NLRC5: variants seen among roughly 807,000 people sequenced by gnomAD.
NLRC5 encodes protein NLRC5.
In NLRC5, 114 loss-of-function variants were observed where a neutral mutation model predicts 206.9. That is an observed-to-expected ratio of 0.55 (90% CI 0.47 to 0.64). The LOEUF is 0.64. NLRC5 is among the 30% of genes least tolerant of loss of function. The pLI is 0.00. For missense variants in NLRC5, 2,008 were observed against 2,305.5 expected, an observed-to-expected ratio of 0.87 and a Z score of 2.64; for synonymous variants, 952 against 962.8, an observed-to-expected ratio of 0.99 and a Z score of 0.21.
chr16:56,996,613 A>T (rs1251541602), intron 1 of NLRC5, among the ~76,000 whole-genome samples: 1 of 152,230 alleles, frequency 6.6e-6, no homozygotes, highest in Admixed American at 6.5e-5. Flanking sequence ...TAAGTCAAAA[A>T]AAATCTCAAA....
chr16:57,077,023 A>G, intron 40 of NLRC5, 121 bp downstream of exon 40: 1 of 873,060 alleles, frequency 1.1e-6, no homozygotes, highest in Non-Finnish European at 1.9e-6. Context: ...CCACTTCTAC[A>G]CTGTGTAAAC....
chr16:56,994,857 T>C (rs1033294250), intron 1 of NLRC5, among the ~76,000 whole-genome samples: 6 of 152,124 alleles, frequency 3.9e-5, no homozygotes, highest in Non-Finnish European at 1.5e-5. Flanking sequence ...TTTTTGCAAT[T>C]TTTGCAATTT....
At position 57,023,778 on chromosome 16, in the gene NLRC5, T is replaced by G. The variant is rs754943226; in HGVS notation, c.356-7T>G. 35 of 1,609,560 alleles carry G rather than the reference T, an allele frequency of 2.2e-5. No homozygotes were observed. Among genetic ancestry groups the G allele is most frequent in the Non-Finnish European group, 2.8e-5 (33 of 1,177,608 alleles). On this transcript the variant is annotated splice_polypyrimidine_tract_variant and splice_region_variant and intron_variant, in intron 4 of 48. Coordinates refer to ENST00000688547, the MANE Select transcript of NLRC5 (RefSeq NM_001384950.1). ...CCACTCCTCCACCCCTTCCTTTGCT[T>G]TTTCAGGCCTGAAGCGCCCACATCA...
chr16:57,046,686 T>C, intron 22 of NLRC5, 45 bp downstream of exon 22: 2 of 1,532,620 alleles, frequency 1.3e-6, no homozygotes, highest in Non-Finnish European at 1.8e-6. Context: ...ATAATAGGGA[T>C]GAGGCGTCAG....
chr16:57,068,918 G>A (rs2067341691), intron 36 of NLRC5, among the ~76,000 whole-genome samples: 1 of 152,186 alleles, frequency 6.6e-6, no homozygotes, highest in African/African-American at 2.4e-5. Context: ...TTCCACTTGG[G>A]TTTGTCCAAT....
chr16:57,030,460 A>ATGGATGAAAAGATGGATGGG (rs1227075306), intron 10 of NLRC5, among the ~76,000 whole-genome samples: 9 of 102,200 alleles, frequency 8.8e-5, no homozygotes, highest in African/African-American at 2.9e-4. Flanking sequence ...GGATGGATGG[A>ATGGATGAAAAGATGGATGGG]TGGATGAAAA....
rs77796033 is a variant in NLRC5, at chr16:57,075,005, C to CTT, written c.4751+363_4751+364dup. Among the ~76,000 whole-genome samples, 78 of 58,104 alleles carry CTT rather than the reference C, an allele frequency of 1.3e-3. 29 individuals carry two copies. Among genetic ancestry groups the CTT allele is most frequent in the Non-Finnish European group, 2.0e-3 (63 of 31,638 alleles). 38.1% of individuals were successfully genotyped at this position (58,104 alleles called of 152,430 possible). A position where few individuals can be genotyped will look rare whatever the true frequency, so the allele number is the denominator to read the frequency against. On this transcript the variant is annotated intron_variant, in intron 39 of 48. Transcript: ENST00000688547. ...GGTCTGGAATTCTGCCTAGACTGTG[C>CTT]TTTTTTTTTTTTTTTTTTTTTTTTT...
At chr16:57,042,197 G>A (rs1313086496) in intron 19 of NLRC5, 132 bp downstream of exon 19, 2 of 509,838 alleles carry the variant, frequency 3.9e-6, no homozygotes, top group East Asian at 3.5e-5. Flanking sequence ...CTAATACAAT[G>A]TAAGTTCTCG....
intron 32 of NLRC5, among the ~76,000 whole-genome samples, chr16:57,063,804 T>C (rs1326192758): frequency 6.6e-6 from 1 of 152,100 alleles, no homozygotes; most frequent in Non-Finnish European, 1.5e-5. Context: ...AGTGGTGCGA[T>C]CTCGGCTCAC....
chr16:57,006,623 C>T (rs2058945591), intron 1 of NLRC5, among the ~76,000 whole-genome samples: 1 of 151,656 alleles, frequency 6.6e-6, no homozygotes, highest in Non-Finnish European at 1.5e-5. Context: ...ATAATATGTC[C>T]TCTTTGATCA....
At chr16:57,021,558 A>T (rs2060671095) in intron 3 of NLRC5, among the ~76,000 whole-genome samples, 1 of 152,132 alleles carries the variant, frequency 6.6e-6, no homozygotes, top group Non-Finnish European at 1.5e-5. Context: ...TTTTGTAGAG[A>T]CAGGACATCA....
At chr16:57,037,935 A>C (rs562660967) in intron 15 of NLRC5, among the ~76,000 whole-genome samples, 5 of 152,328 alleles carry the variant, frequency 3.3e-5, no homozygotes, top group African/African-American at 1.2e-4. Context: ...CGATTCACCC[A>C]AAAGGTAGAT....
intron 36 of NLRC5, among the ~76,000 whole-genome samples, chr16:57,068,530 A>C: frequency 6.8e-6 from 1 of 147,276 alleles, no homozygotes; most frequent in African/African-American, 2.5e-5. Flanking sequence ...CTTTTCTTTC[A>C]CTCTCTCCCT....
At chr16:57,081,041 T>A (rs2145166367) in intron 46 of NLRC5, 57 bp from the exon 47 acceptor site, 2 of 1,483,098 alleles carry the variant, frequency 1.3e-6, no homozygotes, top group Non-Finnish European at 1.8e-6. Flanking sequence ...CTGCCTTGTC[T>A]CCACCCCTCG....
chr16:57,075,421 T>A (rs1181382454), intron 39 of NLRC5, among the ~76,000 whole-genome samples: 1 of 152,134 alleles, frequency 6.6e-6, no homozygotes. Context: ...TGTTTCTCCA[T>A]GTTGGTCAGG....
intron 10 of NLRC5, among the ~76,000 whole-genome samples, chr16:57,030,372 G>T (rs1346948088): frequency 8.4e-6 from 1 of 119,530 alleles, no homozygotes; most frequent in Non-Finnish European, 1.8e-5. Context: ...AGATGGATGG[G>T]TGGATGAAAA....
chr16:57,040,853 G>A (rs370443559), intron 17 of NLRC5, 135 bp downstream of exon 17: 1 of 836,846 alleles, frequency 1.2e-6, no homozygotes, highest in East Asian at 2.7e-5. Context: ...CAGGGGTCAT[G>A]GCCTGGCTTC....
intron 39 of NLRC5, among the ~76,000 whole-genome samples, 180 bp downstream of exon 39, chr16:57,074,863 C>G (rs1429573239): frequency 5.3e-5 from 8 of 152,202 alleles, no homozygotes; most frequent in Admixed American, 5.2e-4. Flanking sequence ...ATGCCATCAG[C>G]TTCCTCCTGG....
chr16:57,079,690 G>A (rs1365949513), intron 46 of NLRC5, 61 bp downstream of exon 46: 4 of 1,445,648 alleles, frequency 2.8e-6, no homozygotes, highest in Admixed American at 1.7e-5. Flanking sequence ...GGGGTCGGGG[G>A]AGTTGGCTCC....
Sources: allele counts gnomAD v4.1 joint callset (sites outside exome capture counted in the v4.1 genomes callset), GRCh38; gene constraint gnomAD v4.1.1; transcripts MANE v1.5; gene names NCBI Gene and HGNC (gene_info 2026-07-23, HGNC 2026-07-21).